USH1C: variants seen among roughly 807,000 people sequenced by gnomAD.
USH1C encodes harmonin.
Under a neutral mutation model 119.3 loss-of-function variants are expected in USH1C, and 90 were observed. The ratio of observed to expected loss-of-function variants is 0.75; its 90% CI spans 0.64 to 0.90. The LOEUF (loss-of-function observed/expected upper bound fraction) is 0.90, where lower values mean the gene tolerates loss of function less well. Among genes scored for constraint, USH1C ranks in the 40% least tolerant of loss-of-function variants. USH1C has a pLI of 0.00. For missense variants in USH1C, 1,165 were observed against 1,167.7 expected (o/e 1.00, Z 0.03); for synonymous variants, 465 against 443.3 (o/e 1.05, Z -0.62).
At chr11:17,502,071 G>C (rs1358656656) in intron 20 of USH1C, 91 bp from the exon 21 acceptor site, 1 of 1,400,080 alleles carries the variant, frequency 7.1e-7, no homozygotes, top group Non-Finnish European at 9.9e-7. Context: ...CGGAATCCAA[G>C]GGTCAGAAGT....
In USH1C at chr11:17,507,687, T is replaced by G. The variant is rs140772374; in HGVS notation, c.2013+1669A>C. The stretch of plus-strand genomic sequence containing the variant: ...TTGGACAGGGATGCCCAGGCTCAGA[T>G]AGATGAAGTAGCATGTGTTCAGTTA... On this transcript the variant is annotated intron_variant, in intron 18 of 26. Coordinates refer to ENST00000005226, the MANE Select transcript of USH1C (RefSeq NM_153676.4). Among the ~76,000 whole-genome samples the G allele has an allele frequency of 5.1e-3, 775 of 152,344 alleles. 5 individuals are homozygous for G. Among genetic ancestry groups the G allele is most frequent in the African/African-American group, 0.017 (723 of 41,586 alleles).
At position 17,540,640 on chromosome 11, in the gene USH1C, C is replaced by T. The variant is rs533673869; in HGVS notation, c.36+3632G>A. Among the ~76,000 whole-genome samples the T allele has an allele frequency of 3.3e-5, 5 of 152,300 alleles. No individual in the cohort carries two copies. In the East Asian group the frequency reaches 5.8e-4, roughly 18 times the overall value. ...CTGCTCCGTCTCCACCAACCTGCTC[C>T]GTCTCCACCAAATGTGGATTCACCC... On this transcript the variant is annotated intron_variant, in intron 1 of 26. Transcript: ENST00000005226.
intron 14 of USH1C, among the ~76,000 whole-genome samples, chr11:17,518,642 G>A (rs1211479596): frequency 6.6e-6 from 1 of 152,216 alleles, no homozygotes; most frequent in Non-Finnish European, 1.5e-5. Flanking sequence ...CAGGTTGGGG[G>A]GCAGTCAGTC....
intron 9 of USH1C, 140 bp from the exon 10 acceptor site, chr11:17,523,618 G>A (rs1421842997): frequency 4.9e-6 from 4 of 821,146 alleles, no homozygotes; most frequent in Non-Finnish European, 8.3e-6. Flanking sequence ...GATGAATGGA[G>A]CAGTTGGAAA....
At position 17,522,837 on chromosome 11, in the gene USH1C, C is replaced by A. The variant is rs748749433; in HGVS notation, c.966G>T (p.Arg322=). The A allele has an allele frequency of 1.2e-6, 2 of 1,613,660 alleles. No homozygotes were observed. Among genetic ancestry groups the A allele is most frequent in the African/African-American group, 1.3e-5 (1 of 74,924 alleles). The change falls in exon 12 of 27, where the codon CGG becomes CGT. Residue 322 remains arginine (R), a synonymous_variant. Transcript: ENST00000005226. The part of the protein sequence containing the change: ...LQRQELLMQK[R]LAMESNKILQ... ...GGATCTTGTTGGACTCCATCGCCAG[C>A]CGCTTCTGCATGAGAAGCTCCTGCC...
At chr11:17,503,249 C>T (rs1022624599) in intron 20 of USH1C, among the ~76,000 whole-genome samples, 2 of 152,112 alleles carry the variant, frequency 1.3e-5, no homozygotes, top group Admixed American at 1.3e-4. Flanking sequence ...GATGTGGAGT[C>T]GATGCTCTTT....
At chr11:17,495,216 T>A in intron 26 of USH1C, 2 of 353,486 alleles carry the variant, frequency 5.7e-6, no homozygotes, top group Non-Finnish European at 1.1e-5. Flanking sequence ...CAGCCCCACA[T>A]GCCTGGTTCG....
At chr11:17,537,270 T>A (rs749947600) in intron 1 of USH1C, among the ~76,000 whole-genome samples, 5 of 152,244 alleles carry the variant, frequency 3.3e-5, no homozygotes, top group Non-Finnish European at 7.3e-5. Flanking sequence ...GGATCAGTTT[T>A]GGGGAGCCCC....
At position 17,509,477 on chromosome 11, in the gene USH1C, C is replaced by G; in HGVS notation, c.1892G>C (p.Ser631Thr). The change falls in exon 18 of 27, where the codon AGC becomes ACC. Residue 631 changes from serine to threonine, a missense_variant. Ser to Thr is a moderately conservative substitution (Grantham distance 58). Transcript: ENST00000005226. Reference sequence around the variant, plus strand: ...GTCCCCAGTGCGGAAGGGATGGTTGCTCAGTGCTTCTTCCAGCGCCGAGGG... The same window carrying G: ...GTCCCCAGTGCGGAAGGGATGGTTGGTCAGTGCTTCTTCCAGCGCCGAGGG... ...PLPSALEEAL[S>T]NHPFRTGDTG... The G allele has an allele frequency of 6.2e-7, 1 of 1,612,056 alleles. No individual in the cohort carries two copies. The highest frequency in any genetic ancestry group is 8.5e-7 in the Non-Finnish European group (1 of 1,179,546).
rs142257184 is a variant in USH1C, at chr11:17,500,730, C to G, written c.2380+321G>C. Among the ~76,000 whole-genome samples, 691 of 152,330 alleles carry G rather than the reference C, an allele frequency of 4.5e-3. 9 individuals are homozygous for G. The highest frequency in any genetic ancestry group is 0.016 in the African/African-American group (668 of 41,574). On this transcript the variant is annotated intron_variant, in intron 23 of 26. Coordinates refer to ENST00000005226, the MANE Select transcript of USH1C (RefSeq NM_153676.4). Reference sequence around the variant, plus strand: ...AGGCCCCTCAGGGTTCCCATGGCTTCCCTCCACTCTGAGTTCCCCGTCAGC... The same window carrying G: ...AGGCCCCTCAGGGTTCCCATGGCTTGCCTCCACTCTGAGTTCCCCGTCAGC...
In USH1C at chr11:17,498,291, A is replaced by G; in HGVS notation, c.2381-20T>C. Reference sequence around the variant, plus strand: ...TGCCACCTGCAGGCAGATGAGGCTGATTGGCCAACTGGGCTGTATGTGACA... The same window carrying G: ...TGCCACCTGCAGGCAGATGAGGCTGGTTGGCCAACTGGGCTGTATGTGACA... On this transcript the variant is annotated intron_variant, in intron 23 of 26. Transcript: ENST00000005226. 1 of 1,611,750 alleles carries G rather than the reference A, an allele frequency of 6.2e-7. No individual in the cohort carries two copies. The highest frequency in any genetic ancestry group is 8.5e-7 in the Non-Finnish European group (1 of 1,177,818).
intron 16 of USH1C, among the ~76,000 whole-genome samples, chr11:17,511,269 C>G (rs75185877): frequency 1.3e-5 from 2 of 152,008 alleles, no homozygotes; most frequent in East Asian, 3.9e-4. Flanking sequence ...TGGGAGATAA[C>G]CTCGCACCTA....
chr11:17,542,750 A>C (rs1423132630), intron 1 of USH1C, among the ~76,000 whole-genome samples: 1 of 147,784 alleles, frequency 6.8e-6, no homozygotes, highest in African/African-American at 2.5e-5. Flanking sequence ...TGGAAGGCTG[A>C]GCTCCTTCAA....
intron 4 of USH1C, among the ~76,000 whole-genome samples, chr11:17,527,846 A>G (rs929465417): frequency 1.3e-5 from 2 of 151,968 alleles, no homozygotes; most frequent in African/African-American, 4.8e-5. Context: ...TCACATCACC[A>G]ACACACACAC....
chr11:17,534,084 A>C (rs1199417474), intron 1 of USH1C, among the ~76,000 whole-genome samples: 1 of 152,190 alleles, frequency 6.6e-6, no homozygotes, highest in African/African-American at 2.4e-5. Flanking sequence ...CCTCAGTGTG[A>C]ATCTCTACAC....
chr11:17,502,254 C>T (rs1265430466), intron 20 of USH1C, among the ~76,000 whole-genome samples: 2 of 152,082 alleles, frequency 1.3e-5, no homozygotes, highest in African/African-American at 4.8e-5. Flanking sequence ...TGCAGGGGCA[C>T]CAGTGACGTC....
chr11:17,498,390 A>C (rs538099409), intron 23 of USH1C, 119 bp from the exon 24 acceptor site: 1 of 951,774 alleles, frequency 1.1e-6, no homozygotes, highest in Non-Finnish European at 1.7e-6. Flanking sequence ...GGGTTCTGAA[A>C]GCTCATGTGG....
chr11:17,529,144 T>G (rs1850845463), intron 4 of USH1C, among the ~76,000 whole-genome samples: 1 of 152,084 alleles, frequency 6.6e-6, no homozygotes, highest in Admixed American at 6.5e-5. Flanking sequence ...GTCAGAGCCC[T>G]CAAGTCCCAC....
rs971044370 is a variant in USH1C at position 17,516,630 on chromosome 11, A to G, written c.1211-340T>C. 7.8e-6 allele frequency: 3 copies of G among 384,630 alleles called. No individual in the cohort carries two copies. The Admixed American group carries it at 1.1e-4, about 14-fold the overall frequency. The allele number at this position is 384,630 out of a possible 1,614,324, so 23.8% of individuals were successfully genotyped here. On this transcript the variant is annotated intron_variant, in intron 14 of 26. Transcript: ENST00000005226. Reference sequence around the variant, plus strand: ...TGAGCTTTTCCAAATCACAGTCTTCACATACAAAGCCTTGTTGAAAGAGAA... The same window carrying G: ...TGAGCTTTTCCAAATCACAGTCTTCGCATACAAAGCCTTGTTGAAAGAGAA...
Sources: gnomAD v4.1 joint callset for allele counts (sites outside exome capture counted in the v4.1 genomes callset) on GRCh38, gnomAD v4.1.1 for gene constraint, MANE v1.5 for transcripts, NCBI Gene and HGNC (gene_info 2026-07-23, HGNC 2026-07-21) for gene names.